Variants in RGMA observed in about 807,000 individuals in gnomAD.
RGMA encodes the protein repulsive guidance molecule BMP co-receptor a, also known as repulsive guidance molecule A.
In RGMA, 10 loss-of-function variants were observed where a neutral mutation model predicts 23.2. The ratio of observed to expected loss-of-function variants is 0.43; its 90% CI spans 0.27 to 0.73. The LOEUF (loss-of-function observed/expected upper bound fraction) is 0.73, where lower values mean the gene tolerates loss of function less well. Among genes scored for constraint, RGMA ranks in the 30% least tolerant of loss-of-function variants. The pLI, the probability that RGMA is intolerant of heterozygous loss-of-function variation, is 0.20. For synonymous variants in RGMA, 308 were observed against 279.3 expected, an observed-to-expected ratio of 1.10 and a Z score of -1.03; for missense variants, 547 against 630.5, an observed-to-expected ratio of 0.87 and a Z score of 1.42.
At chr15:93,073,467 G>T (rs1324787663) in intron 1 of RGMA, 3 of 1,076,130 alleles carry the variant, frequency 2.8e-6, no homozygotes, top group South Asian at 1.6e-5. Flanking sequence ...TTGGGAGGCC[G>T]CAGGGCATGA....
chr15:93,077,974 C>G (rs536748257), intron 1 of RGMA, among the ~76,000 whole-genome samples: 1 of 152,282 alleles, frequency 6.6e-6, no homozygotes, highest in East Asian at 1.9e-4. Context: ...GCACAAAGTG[C>G]CGGGATTATA....
In RGMA at chr15:93,036,140, G is replaced by C. The variant is rs760191864; in HGVS notation, c.*8858C>G. ...TCTCTCACCACTAGAGGTCAGTCCCGTGAGGGCGGGCACATTCATTCGAGC... is the reference window on the plus strand; with the variant it reads ...TCTCTCACCACTAGAGGTCAGTCCCCTGAGGGCGGGCACATTCATTCGAGC... On this transcript the variant is annotated 3_prime_UTR_variant, in exon 4 of 4. Transcript: ENST00000329082. 1 of 152,350 alleles carries C rather than the reference G, an allele frequency of 6.6e-6. No homozygotes were observed. Among genetic ancestry groups the C allele is most frequent in the South Asian group, 2.1e-4 (1 of 4,826 alleles). 9.4% of individuals were successfully genotyped at this position (152,350 alleles called of 1,614,324 possible). A position where few individuals can be genotyped will look rare whatever the true frequency, so the allele number is the denominator to read the frequency against.
chr15:93,046,907 G>A (rs367767641), intron 3 of RGMA, among the ~76,000 whole-genome samples: 117 of 151,562 alleles, frequency 7.7e-4, no homozygotes, highest in South Asian at 6.5e-3. Context: ...GGGTGGCACT[G>A]TTCTCCTGAG....
At chr15:93,047,444 G>A (rs959925052) in intron 3 of RGMA, among the ~76,000 whole-genome samples, 1 of 152,172 alleles carries the variant, frequency 6.6e-6, no homozygotes, top group Non-Finnish European at 1.5e-5. Flanking sequence ...AAGGGGACAA[G>A]GTGGCACCCA....
In RGMA at chr15:93,041,451, C is replaced by T. The variant is rs747540895; in HGVS notation, c.*3547G>A. ...AGGATGCTGTGTTCCATATTCACGA[C>T]GGCATTTCCATGCTCGTGAGGGCAA... On this transcript the variant is annotated 3_prime_UTR_variant, in exon 4 of 4. Coordinates refer to ENST00000329082, the MANE Select transcript of RGMA (RefSeq NM_020211.3). 8 of 152,216 alleles carry T rather than the reference C, an allele frequency of 5.3e-5. No homozygotes were observed. The highest frequency in any genetic ancestry group is 8.8e-5 in the Non-Finnish European group (6 of 68,050). The allele number at this position is 152,216 out of a possible 1,614,324, so 9.4% of individuals were successfully genotyped here.
intron 2 of RGMA, among the ~76,000 whole-genome samples, chr15:93,057,824 A>G (rs530314889): frequency 1.1e-4 from 16 of 152,256 alleles, no homozygotes; most frequent in Non-Finnish European, 2.2e-4. Flanking sequence ...GCCTGGGATG[A>G]TCCCCTTGGC....
chr15:93,086,285 T>C (rs917057718), intron 1 of RGMA, among the ~76,000 whole-genome samples: 4 of 152,228 alleles, frequency 2.6e-5, no homozygotes, highest in African/African-American at 9.6e-5. Flanking sequence ...TCATTTCGTT[T>C]CACAGAACTA....
At chr15:93,055,548 C>T (rs1317596807) in intron 2 of RGMA, among the ~76,000 whole-genome samples, 2 of 152,150 alleles carry the variant, frequency 1.3e-5, no homozygotes, top group Non-Finnish European at 2.9e-5. Flanking sequence ...GAATCCAGCC[C>T]GCTGGACTTG....
chr15:93,088,862 C>T, intron 1 of RGMA, 57 bp downstream of exon 1: 1 of 1,462,204 alleles, frequency 6.8e-7, no homozygotes, highest in South Asian at 1.2e-5. Flanking sequence ...CGGCATGTGT[C>T]GGCGGCGCCT....
intron 2 of RGMA, among the ~76,000 whole-genome samples, chr15:93,069,384 A>C (rs974243359): frequency 6.6e-6 from 1 of 152,204 alleles, no homozygotes; most frequent in Non-Finnish European, 1.5e-5. Flanking sequence ...TGCTGGGGTT[A>C]CGGGCGTGAG....
In RGMA at chr15:93,044,668, C is replaced by CT. The variant is rs1313023295; in HGVS notation, c.*329dup. 2 of 393,104 alleles carry CT rather than the reference C, an allele frequency of 5.1e-6. No homozygotes were observed. Among genetic ancestry groups the CT allele is most frequent in the Admixed American group, 4.2e-5 (1 of 23,994 alleles). 24.4% of individuals were successfully genotyped at this position (393,104 alleles called of 1,614,324 possible). ...CATTGCGAGGGGGAAGGAGCTGACT[C>CT]TGACGGTTCCCAGTGTGTCTCTGGT... On this transcript the variant is annotated 3_prime_UTR_variant, in exon 4 of 4. Coordinates refer to ENST00000329082, the MANE Select transcript of RGMA (RefSeq NM_020211.3).
intron 3 of RGMA, among the ~76,000 whole-genome samples, chr15:93,051,608 G>T (rs1276021919): frequency 6.6e-6 from 1 of 152,234 alleles, no homozygotes; most frequent in Non-Finnish European, 1.5e-5. Flanking sequence ...GGCCTCCTTG[G>T]GTTTGAAAAC....
At chr15:93,066,471 A>G (rs922045363) in intron 2 of RGMA, 3 of 560,042 alleles carry the variant, frequency 5.4e-6, no homozygotes, top group South Asian at 4.8e-5. Flanking sequence ...TGCGGGGGCC[A>G]GGCACCAAGG....
intron 2 of RGMA, chr15:93,065,968 C>G (rs996405424): frequency 2.0e-6 from 2 of 998,374 alleles, no homozygotes; most frequent in South Asian, 2.9e-5. Context: ...GGGGCGCCGT[C>G]GTCTGGGCCG....
intron 2 of RGMA, chr15:93,066,465 G>T: frequency 3.5e-6 from 2 of 570,282 alleles, no homozygotes; most frequent in South Asian, 3.1e-5. Flanking sequence ...CACGGGTGCG[G>T]GGGCCAGGCA....
chr15:93,066,256 C>T (rs777768424), intron 2 of RGMA: 1 of 1,187,028 alleles, frequency 8.4e-7, no homozygotes, highest in East Asian at 2.4e-5. Context: ...CTTTTAATAG[C>T]TGTCTGGTGA....
intron 2 of RGMA, among the ~76,000 whole-genome samples, chr15:93,071,264 A>C (rs1895313203): frequency 6.6e-6 from 1 of 152,244 alleles, no homozygotes; most frequent in Admixed American, 6.5e-5. Context: ...CTTCTTCTTA[A>C]ATAGGGTGAT....
chr15:93,059,587 G>C (rs1314600695), intron 2 of RGMA, among the ~76,000 whole-genome samples: 1 of 152,218 alleles, frequency 6.6e-6, no homozygotes, highest in Non-Finnish European at 1.5e-5. Flanking sequence ...GGGAACGATG[G>C]GTCCCAGAAA....
chr15:93,066,226 C>T (rs183576023), intron 2 of RGMA: 78 of 1,406,900 alleles, frequency 5.5e-5, no homozygotes, highest in Non-Finnish European at 7.2e-5. Context: ...TCCAACGCTG[C>T]GCAGAAACTT....
Sources: allele counts gnomAD v4.1 joint callset (sites outside exome capture counted in the v4.1 genomes callset), GRCh38; gene constraint gnomAD v4.1.1; transcripts MANE v1.5; gene names NCBI Gene and HGNC (gene_info 2026-07-23, HGNC 2026-07-21).